ENOX1: variants seen among roughly 807,000 people sequenced by gnomAD.
The protein encoded by ENOX1 is ecto-NOX disulfide-thiol exchanger 1.
Under a neutral mutation model 82.5 loss-of-function variants are expected in ENOX1, and 42 were observed. The observed-to-expected ratio is 0.51, with a 90% CI of 0.40 to 0.66. The LOEUF (loss-of-function observed/expected upper bound fraction) is 0.66. Ranked by LOEUF, ENOX1 falls within the 30% of genes least tolerant of loss-of-function variation. ENOX1 has a pLI of 0.00. For synonymous variants in ENOX1, 271 were observed against 282.2 expected (o/e 0.96, Z 0.40); for missense variants, 608 against 811.6 (o/e 0.75, Z 3.05).
intron 2 of ENOX1, among the ~76,000 whole-genome samples, chr13:43,527,939 A>G (rs1457828892): frequency 6.6e-6 from 1 of 152,128 alleles, no homozygotes; most frequent in Non-Finnish European, 1.5e-5. Context: ...GAAAACCATA[A>G]AATTATAGAG....
At chr13:43,400,798 T>C (rs1238650516) in intron 5 of ENOX1, among the ~76,000 whole-genome samples, 1 of 152,210 alleles carries the variant, frequency 6.6e-6, no homozygotes, top group Non-Finnish European at 1.5e-5. Flanking sequence ...CCACGAATGA[T>C]GTCTTTCCAC....
At chr13:43,729,473 T>A (rs1358690413) in intron 1 of ENOX1, among the ~76,000 whole-genome samples, 1 of 152,224 alleles carries the variant, frequency 6.6e-6, no homozygotes, top group Non-Finnish European at 1.5e-5. Context: ...GGAAACATCT[T>A]AACAGTAACC....
chr13:43,782,303 A>G (rs1339539340), intron 1 of ENOX1, among the ~76,000 whole-genome samples: 1 of 152,224 alleles, frequency 6.6e-6, no homozygotes. Context: ...AATAGTTCAG[A>G]AAATTTTAAG....
At chr13:43,584,939 C>A (rs906619262) in intron 2 of ENOX1, among the ~76,000 whole-genome samples, 27 of 152,176 alleles carry the variant, frequency 1.8e-4, no homozygotes, top group Admixed American at 1.4e-3. Context: ...AAACTGGGAT[C>A]ACTTTCTCCA....
chr13:43,327,685 CA>C (rs1440312266), intron 9 of ENOX1, among the ~76,000 whole-genome samples: 2 of 152,146 alleles, frequency 1.3e-5, no homozygotes, highest in African/African-American at 4.8e-5. Flanking sequence ...AAAAGGACAT[CA>C]AAGCTCTTCC....
intron 1 of ENOX1, among the ~76,000 whole-genome samples, chr13:43,708,039 G>A (rs1235722744): frequency 6.6e-6 from 1 of 152,140 alleles, no homozygotes; most frequent in African/African-American, 2.4e-5. Context: ...GCTGGTGCCA[G>A]GAAAGGCAGT....
chr13:43,682,436 G>T (rs1253009853), intron 1 of ENOX1, among the ~76,000 whole-genome samples: 1 of 152,106 alleles, frequency 6.6e-6, no homozygotes, highest in African/African-American at 2.4e-5. Flanking sequence ...CTAGAACCAT[G>T]CTTGGTAAGT....
chr13:43,281,500 A>AAT (rs1555305364), intron 12 of ENOX1, among the ~76,000 whole-genome samples: 27 of 152,318 alleles, frequency 1.8e-4, no homozygotes, highest in Admixed American at 3.3e-4. Context: ...ATGAAAATTA[A>AAT]GAGAAATTAG....
At chr13:43,595,510 T>C (rs1482715944) in intron 2 of ENOX1, among the ~76,000 whole-genome samples, 1 of 152,224 alleles carries the variant, frequency 6.6e-6, no homozygotes, top group African/African-American at 2.4e-5. Context: ...TCCATACAGA[T>C]TAATTGAACA....
At chr13:43,735,398 T>C (rs1486778959) in intron 1 of ENOX1, among the ~76,000 whole-genome samples, 1 of 152,076 alleles carries the variant, frequency 6.6e-6, no homozygotes, top group Non-Finnish European at 1.5e-5. Flanking sequence ...ATACGACTAC[T>C]TGTGGAATCA....
intron 14 of ENOX1, among the ~76,000 whole-genome samples, chr13:43,238,166 T>C (rs1030142955): frequency 1.3e-5 from 2 of 152,012 alleles, no homozygotes; most frequent in Non-Finnish European, 2.9e-5. Context: ...CAGAAAGAGT[T>C]TGGGGAGTGG....
At chr13:43,254,690 C>T (rs1379376482) in intron 14 of ENOX1, among the ~76,000 whole-genome samples, 4 of 152,150 alleles carry the variant, frequency 2.6e-5, no homozygotes, top group Non-Finnish European at 5.9e-5. Flanking sequence ...ATTAGGCAGT[C>T]ATTAAAAATC....
At chr13:43,430,472 C>T (rs1594555546) in intron 3 of ENOX1, among the ~76,000 whole-genome samples, 1 of 151,418 alleles carries the variant, frequency 6.6e-6, no homozygotes, top group Admixed American at 6.6e-5. Flanking sequence ...TTTATTCCCT[C>T]TTTTTTTTTG....
intron 5 of ENOX1, among the ~76,000 whole-genome samples, chr13:43,401,631 G>A (rs945130392): frequency 6.6e-6 from 1 of 152,168 alleles, no homozygotes; most frequent in African/African-American, 2.4e-5. Flanking sequence ...AGGAGAGACG[G>A]AGAGGGAAGT....
intron 1 of ENOX1, among the ~76,000 whole-genome samples, chr13:43,677,612 G>A (rs537890000): frequency 8.5e-5 from 13 of 152,192 alleles, no homozygotes; most frequent in Non-Finnish European, 1.8e-4. Context: ...ATACCTTGAG[G>A]TGCCAATTAT....
chr13:43,552,411 C>T (rs927017799), intron 2 of ENOX1, among the ~76,000 whole-genome samples: 1 of 152,026 alleles, frequency 6.6e-6, no homozygotes, highest in Non-Finnish European at 1.5e-5. Flanking sequence ...TCCTCATTCC[C>T]CTTTCATTCC....
intron 5 of ENOX1, among the ~76,000 whole-genome samples, chr13:43,366,694 G>C (rs557157654): frequency 3.9e-5 from 6 of 152,100 alleles, no homozygotes; most frequent in Non-Finnish European, 5.9e-5. Flanking sequence ...CTGGGTGAAG[G>C]CAGTATATCA....
At position 43,285,487 on chromosome 13, in the gene ENOX1, C is replaced by T. The variant is rs571436335; in HGVS notation, c.1446+12859G>A. On this transcript the variant is annotated intron_variant, in intron 12 of 16. Coordinates refer to ENST00000690772, the MANE Select transcript of ENOX1 (RefSeq NM_001347969.2). ...TAAAACAAAAATTTAAATGACAAAC[C>T]GAGACCCAGGAAAACTGCTACTCCC... Among the ~76,000 whole-genome samples the T allele has an allele frequency of 3.3e-5, 5 of 151,982 alleles. No homozygotes were observed. In the South Asian group the frequency reaches 8.3e-4, roughly 25 times the overall value.
At chr13:43,574,260 A>C (rs2153713026) in intron 2 of ENOX1, among the ~76,000 whole-genome samples, 1 of 152,308 alleles carries the variant, frequency 6.6e-6, no homozygotes, top group South Asian at 2.1e-4. Context: ...ATAGGAAAAA[A>C]CAAGAGGCCA....
Sources: allele counts gnomAD v4.1 joint callset (sites outside exome capture counted in the v4.1 genomes callset), GRCh38; gene constraint gnomAD v4.1.1; transcripts MANE v1.5; gene names NCBI Gene and HGNC (gene_info 2026-07-23, HGNC 2026-07-21).